GRM5: variants seen among roughly 807,000 people sequenced by gnomAD.
GRM5 encodes glutamate metabotropic receptor 5, also known as metabotropic glutamate receptor 5.
Under a neutral mutation model 83.1 loss-of-function variants are expected in GRM5, and 19 were observed. The observed-to-expected ratio is 0.23, with a 90% CI of 0.16 to 0.34. The LOEUF (loss-of-function observed/expected upper bound fraction) is 0.34, where lower values mean the gene tolerates loss of function less well. Ranked by LOEUF, GRM5 falls within the 10% of genes least tolerant of loss-of-function variation. The pLI is 1.00. For synonymous variants in GRM5, 675 were observed against 633.6 expected, an observed-to-expected ratio of 1.07 and a Z score of -0.98; for missense variants, 1,160 against 1,588.3, an observed-to-expected ratio of 0.73 and a Z score of 4.58.
In GRM5 at chr11:88,845,480, C is replaced by T. The variant is rs561495687; in HGVS notation, c.911+4426G>A. Among the ~76,000 whole-genome samples, 188 of 130,622 alleles carry T rather than the reference C, an allele frequency of 1.4e-3. 2 individuals are homozygous for T. The highest frequency in any genetic ancestry group is 1.2e-3 in the Non-Finnish European group (78 of 65,400). The allele number at this position is 130,622 out of a possible 152,430, so 85.7% of individuals were successfully genotyped here. A position where few individuals can be genotyped will look rare whatever the true frequency, so the allele number is the denominator to read the frequency against. On this transcript the variant is annotated intron_variant, in intron 3 of 9. Coordinates refer to ENST00000305447, the MANE Select transcript of GRM5 (RefSeq NM_001143831.3). Reference sequence around the variant, plus strand: ...ACAGAGTCTCGCTCTGTCGCCCAGGCTGCAGGACAGTGGCGCAATCTGAGT... The same window carrying T: ...ACAGAGTCTCGCTCTGTCGCCCAGGTTGCAGGACAGTGGCGCAATCTGAGT...
intron 4 of GRM5, among the ~76,000 whole-genome samples, chr11:88,642,316 C>T (rs1397292430): frequency 1.3e-5 from 2 of 152,146 alleles, no homozygotes; most frequent in African/African-American, 4.8e-5. Flanking sequence ...ACCAGGCCCA[C>T]AAAAGCATTC....
In GRM5 at chr11:88,671,609, G is replaced by A. The variant is rs191672595; in HGVS notation, c.912-18206C>T. Reference sequence around the variant, plus strand: ...CAGCAATGAAAATGAACAAACTACCGTTACATGAAGGAAAATGAATAATAT... The same window carrying A: ...CAGCAATGAAAATGAACAAACTACCATTACATGAAGGAAAATGAATAATAT... On this transcript the variant is annotated intron_variant, in intron 3 of 9. Coordinates refer to ENST00000305447, the MANE Select transcript of GRM5 (RefSeq NM_001143831.3). 9.9e-5 allele frequency among the ~76,000 whole-genome samples: 15 copies of A among 152,004 alleles called. No homozygotes were observed. The East Asian group carries it at 1.5e-3, about 16-fold the overall frequency.
At chr11:88,946,806 G>T (rs1183247187) in intron 2 of GRM5, among the ~76,000 whole-genome samples, 11 of 152,038 alleles carry the variant, frequency 7.2e-5, no homozygotes, top group Non-Finnish European at 8.8e-5. Flanking sequence ...TTTTGTGGGG[G>T]TTACTTATTC....
intron 4 of GRM5, among the ~76,000 whole-genome samples, chr11:88,623,370 C>T (rs1272712832): frequency 1.3e-5 from 2 of 151,866 alleles, no homozygotes; most frequent in East Asian, 3.9e-4. Flanking sequence ...CCTCAGGTGA[C>T]CCGCCCGCCT....
chr11:88,971,432 C>T (rs1315503631), intron 2 of GRM5, among the ~76,000 whole-genome samples: 2 of 152,040 alleles, frequency 1.3e-5, no homozygotes, highest in African/African-American at 4.8e-5. Flanking sequence ...ACCCTCCTCC[C>T]ACTCTCCACT....
At chr11:89,026,372 A>G (rs914160846) in intron 2 of GRM5, among the ~76,000 whole-genome samples, 3 of 152,210 alleles carry the variant, frequency 2.0e-5, no homozygotes, top group African/African-American at 7.2e-5. Flanking sequence ...GAAACTGCCA[A>G]TAGTAGTTGA....
At chr11:88,911,038 T>C (rs1315514632) in intron 2 of GRM5, among the ~76,000 whole-genome samples, 1 of 152,090 alleles carries the variant, frequency 6.6e-6, no homozygotes, top group Non-Finnish European at 1.5e-5. Context: ...CGTCCAGTCA[T>C]GTTTGGAAAA....
rs549632114 is a variant in GRM5 at position 88,677,237 on chromosome 11, T to C, written c.912-23834A>G. 9.3e-4 allele frequency among the ~76,000 whole-genome samples: 141 copies of C among 152,244 alleles called. 2 individuals are homozygous for C. Among genetic ancestry groups the C allele is most frequent in the Admixed American group, 9.0e-3 (138 of 15,254 alleles). On this transcript the variant is annotated intron_variant, in intron 3 of 9. Transcript: ENST00000305447. ...TATCTAGAAGCCCTGACTTTTAATA[T>C]AATGGGTAATGTTTTTCTTCCAATA...
intron 6 of GRM5, 71 bp downstream of exon 6, chr11:88,597,113 A>C: frequency 1.0e-6 from 1 of 982,880 alleles, no homozygotes; most frequent in Non-Finnish European, 1.5e-6. Flanking sequence ...TAAAATTTTT[A>C]AAAATAGCCA....
chr11:88,983,902 G>T (rs917279857), intron 2 of GRM5, among the ~76,000 whole-genome samples: 1 of 151,816 alleles, frequency 6.6e-6, no homozygotes, highest in African/African-American at 2.4e-5. Flanking sequence ...AAGCTAATGT[G>T]TGTGTTTCTA....
Position 88,567,006 on chromosome 11 carries a change from C to T in GRM5, c.2630+47G>A, listed in dbSNP as rs775266645. On this transcript the variant is annotated intron_variant, in intron 8 of 9. Transcript: ENST00000305447. The surrounding 1 kb of genome is among the most constrained non-coding windows in gnomAD (Gnocchi z 7.3). ...AAGACCCAGGAAACACATGCCTCTGCTCCAGTTTTAGGGGCCAGCATCCCT... is the reference window on the plus strand; with the variant it reads ...AAGACCCAGGAAACACATGCCTCTGTTCCAGTTTTAGGGGCCAGCATCCCT... 2.4e-6 allele frequency: 3 copies of T among 1,238,086 alleles called. No homozygotes were observed. The highest frequency in any genetic ancestry group is 3.4e-6 in the Non-Finnish European group (3 of 873,318). The allele number at this position is 1,238,086 out of a possible 1,614,324, so 76.7% of individuals were successfully genotyped here. A position where few individuals can be genotyped will look rare whatever the true frequency, so the allele number is the denominator to read the frequency against.
intron 3 of GRM5, among the ~76,000 whole-genome samples, chr11:88,789,760 T>G (rs1003344421): frequency 2.0e-5 from 3 of 152,204 alleles, no homozygotes; most frequent in African/African-American, 7.2e-5. Context: ...CCACTTATTC[T>G]TACGGTAAAT....
chr11:88,672,300 G>GTATC (rs1940214758), intron 3 of GRM5, among the ~76,000 whole-genome samples: 2 of 152,020 alleles, frequency 1.3e-5, no homozygotes, highest in Admixed American at 1.3e-4. Context: ...CATTTATTAA[G>GTATC]TATCTACTAT....
chr11:88,697,732 A>G (rs1276696457), intron 3 of GRM5, among the ~76,000 whole-genome samples: 1 of 152,246 alleles, frequency 6.6e-6, no homozygotes, highest in East Asian at 1.9e-4. Flanking sequence ...TAAAGGATGA[A>G]CAATTCAAAA....
intron 1 of GRM5, among the ~76,000 whole-genome samples, chr11:89,052,993 A>G (rs1941792565): frequency 6.6e-6 from 1 of 152,154 alleles, no homozygotes; most frequent in South Asian, 2.1e-4. Flanking sequence ...TTTATAACAC[A>G]TTGTTTTAAC....
At chr11:88,672,844 C>G (rs1443764070) in intron 3 of GRM5, among the ~76,000 whole-genome samples, 1 of 151,806 alleles carries the variant, frequency 6.6e-6, no homozygotes, top group Non-Finnish European at 1.5e-5. Context: ...AATCAATCAG[C>G]AAATACATAT....
rs1945417616 is a variant in GRM5, at chr11:88,907,159, G to T, written c.662-57004C>A. Among the ~76,000 whole-genome samples, 3 of 152,036 alleles carry T rather than the reference G, an allele frequency of 2.0e-5. No homozygotes were observed. In the South Asian group the frequency reaches 6.2e-4, roughly 32 times the overall value. ...CACATGTCCTCATCTATATAATGAG[G>T]ATGGTTATGAAAAATAAATTACTAC... On this transcript the variant is annotated intron_variant, in intron 2 of 9. Transcript: ENST00000305447.
intron 3 of GRM5, among the ~76,000 whole-genome samples, chr11:88,731,803 T>C (rs1333434294): frequency 1.3e-5 from 2 of 152,038 alleles, no homozygotes; most frequent in Non-Finnish European, 2.9e-5. Flanking sequence ...ATCCATTTTG[T>C]TCATCCTAGA....
intron 2 of GRM5, among the ~76,000 whole-genome samples, chr11:89,004,023 T>C (rs1355920827): frequency 6.6e-6 from 1 of 152,110 alleles, no homozygotes; most frequent in Admixed American, 6.6e-5. Context: ...TAATGAACAT[T>C]GAAGGGTAGG....
Sources: allele counts gnomAD v4.1 joint callset (sites outside exome capture counted in the v4.1 genomes callset), GRCh38; gene constraint gnomAD v4.1.1; non-coding constraint Gnocchi (gnomAD v3.1); transcripts MANE v1.5; gene names NCBI Gene and HGNC (gene_info 2026-07-23, HGNC 2026-07-21).